Variants in PTPRM observed in about 807,000 individuals in gnomAD.
PTPRM encodes protein tyrosine phosphatase receptor type M, also known as receptor-type tyrosine-protein phosphatase mu.
PTPRM carries 47 observed loss-of-function variants against 186.7 expected under a neutral mutation model. The observed-to-expected ratio is 0.25, with a 90% CI of 0.20 to 0.32. PTPRM has a LOEUF of 0.32. PTPRM is among the 10% of genes least tolerant of loss of function. PTPRM has a pLI of 1.00. For synonymous variants in PTPRM, 668 were observed against 674.9 expected (o/e 0.99, Z 0.16); for missense variants, 1,494 against 1,865.0 (o/e 0.80, Z 3.66).
chr18:8,137,228 A>G (rs1249618729), intron 13 of PTPRM, among the ~76,000 whole-genome samples: 1 of 152,046 alleles, frequency 6.6e-6, no homozygotes, highest in Non-Finnish European at 1.5e-5. Flanking sequence ...TTTCTCCCCA[A>G]AATACCAAGA....
chr18:8,357,650 G>A (rs1172164987), intron 23 of PTPRM, among the ~76,000 whole-genome samples: 8 of 152,186 alleles, frequency 5.3e-5, no homozygotes, highest in Admixed American at 5.2e-4. Context: ...ACCTCTGGAA[G>A]ATCTCCTTAG....
At chr18:7,605,667 T>C (rs531321895) in intron 1 of PTPRM, among the ~76,000 whole-genome samples, 1 of 152,344 alleles carries the variant, frequency 6.6e-6, no homozygotes, top group African/African-American at 2.4e-5. Flanking sequence ...ATGTTAACCA[T>C]ACACTACTTA....
intron 23 of PTPRM, chr18:8,365,606 A>G (rs2095623981): frequency 6.6e-6 from 1 of 152,250 alleles, no homozygotes. Flanking sequence ...TGATAGGCAA[A>G]TGGACATGCC....
At chr18:7,797,156 C>T (rs1395781963) in intron 2 of PTPRM, among the ~76,000 whole-genome samples, 2 of 152,172 alleles carry the variant, frequency 1.3e-5, no homozygotes, top group Non-Finnish European at 2.9e-5. Context: ...GTGTCTAGGG[C>T]TGGGCTTTAA....
intron 1 of PTPRM, among the ~76,000 whole-genome samples, chr18:7,678,585 T>G (rs1400599963): frequency 1.3e-5 from 2 of 152,196 alleles, no homozygotes; most frequent in African/African-American, 4.8e-5. Flanking sequence ...TCCATGTTTC[T>G]CTGTATACAG....
intron 21 of PTPRM, 85 bp from the exon 22 acceptor site, chr18:8,319,093 A>C (rs2095329047): frequency 2.1e-6 from 2 of 932,240 alleles, no homozygotes; most frequent in East Asian, 2.6e-5. Context: ...TTGTGTGCAC[A>C]TTCCTTTCAG....
intron 2 of PTPRM, among the ~76,000 whole-genome samples, chr18:7,842,770 ATC>A (rs1165865101): frequency 1.3e-5 from 2 of 149,454 alleles, no homozygotes; most frequent in South Asian, 2.1e-4. Context: ...ATCTCAATCA[ATC>A]TCTCTCTCTG....
intron 13 of PTPRM, among the ~76,000 whole-genome samples, chr18:8,117,055 T>TTCTA (rs1392414751): frequency 1.3e-5 from 2 of 152,198 alleles, no homozygotes; most frequent in African/African-American, 4.8e-5. Context: ...TTTTATTAAG[T>TTCTA]TCTACATGGA....
chr18:7,726,061 C>A (rs2040542658), intron 1 of PTPRM, among the ~76,000 whole-genome samples: 1 of 152,154 alleles, frequency 6.6e-6, no homozygotes, highest in African/African-American at 2.4e-5. Flanking sequence ...AAGCGCTCGC[C>A]CCAGCTCCTG....
At chr18:7,892,514 C>T (rs1391377969) in intron 3 of PTPRM, among the ~76,000 whole-genome samples, 2 of 152,202 alleles carry the variant, frequency 1.3e-5, no homozygotes, top group East Asian at 3.9e-4. Context: ...AACTTTTCTG[C>T]TCCTAACCTT....
intron 23 of PTPRM, among the ~76,000 whole-genome samples, chr18:8,357,260 T>A (rs1671967461): frequency 6.6e-6 from 1 of 152,238 alleles, no homozygotes; most frequent in South Asian, 2.1e-4. Context: ...ACAAATTCTG[T>A]CAGTGATCCT....
At position 7,782,076 on chromosome 18, in the gene PTPRM, A is replaced by G. The variant is rs7240790; in HGVS notation, c.196+7805A>G. Among the ~76,000 whole-genome samples the G allele has an allele frequency of 8.1e-3, 1,237 of 152,346 alleles. 10 individuals carry two copies. The highest frequency in any genetic ancestry group is 0.028 in the African/African-American group (1,162 of 41,574). ...TGGACTGGAGTTGTAGTCTCTCAGC[A>G]GTTTCAAAATTACAAAATTTAGAAA... On this transcript the variant is annotated intron_variant, in intron 2 of 32. Coordinates refer to ENST00000580170, the MANE Select transcript of PTPRM (RefSeq NM_001105244.2).
At chr18:7,789,423 A>G (rs1568132668) in intron 2 of PTPRM, among the ~76,000 whole-genome samples, 1 of 152,214 alleles carries the variant, frequency 6.6e-6, no homozygotes, top group Non-Finnish European at 1.5e-5. Context: ...AAGTTGATCA[A>G]TGCTTTACTT....
intron 20 of PTPRM, among the ~76,000 whole-genome samples, chr18:8,309,105 T>C (rs1378013460): frequency 6.6e-6 from 1 of 152,240 alleles, no homozygotes; most frequent in African/African-American, 2.4e-5. Context: ...TTGATGGACA[T>C]TTGGATTGTT....
At chr18:7,667,857 T>G (rs950102269) in intron 1 of PTPRM, among the ~76,000 whole-genome samples, 3 of 152,214 alleles carry the variant, frequency 2.0e-5, no homozygotes, top group Non-Finnish European at 4.4e-5. Flanking sequence ...AATAAATTAT[T>G]CATGTTAGCC....
At chr18:7,827,713 G>A (rs1394866657) in intron 2 of PTPRM, among the ~76,000 whole-genome samples, 4 of 152,174 alleles carry the variant, frequency 2.6e-5, no homozygotes, top group African/African-American at 7.2e-5. Flanking sequence ...CTTTATCAAG[G>A]CTACTCGTCA....
At chr18:7,819,747 A>C (rs1157779926) in intron 2 of PTPRM, among the ~76,000 whole-genome samples, 1 of 152,178 alleles carries the variant, frequency 6.6e-6, no homozygotes, top group Non-Finnish European at 1.5e-5. Flanking sequence ...TCATGCCTAG[A>C]CACTGCTGTG....
At chr18:7,637,610 TTTTC>T (rs2038348910) in intron 1 of PTPRM, among the ~76,000 whole-genome samples, 1 of 152,206 alleles carries the variant, frequency 6.6e-6, no homozygotes, top group South Asian at 2.1e-4. Flanking sequence ...TTTATATTCT[TTTTC>T]TTTCTTCTAT....
rs530407817 is a variant in PTPRM, at chr18:7,716,964, C to G, written c.74-57185C>G. On this transcript the variant is annotated intron_variant, in intron 1 of 32. Transcript: ENST00000580170. The stretch of plus-strand genomic sequence containing the variant: ...ACCATTTGACCCAGCAATCCCATCA[C>G]TGGGTATATACCCAAAGGATTATAA... Among the ~76,000 whole-genome samples the G allele has an allele frequency of 2.1e-4, 32 of 152,314 alleles. 1 individual carries two copies. The South Asian group carries it at 6.6e-3, about 32-fold the overall frequency.
Sources: gnomAD v4.1 joint callset for allele counts (sites outside exome capture counted in the v4.1 genomes callset) on GRCh38, gnomAD v4.1.1 for gene constraint, MANE v1.5 for transcripts, NCBI Gene and HGNC (gene_info 2026-07-23, HGNC 2026-07-21) for gene names.